The following ABCB10 variants were observed in gnomAD, a reference collection of about 807,000 sequenced individuals.
ABCB10 encodes ATP-binding cassette sub-family B member 10, mitochondrial.
Under a neutral mutation model 65.4 loss-of-function variants are expected in ABCB10, and 54 were observed. The ratio of observed to expected loss-of-function variants is 0.83; its 90% CI spans 0.66 to 1.04. The LOEUF (loss-of-function observed/expected upper bound fraction) is 1.04. ABCB10 is among the 50% of genes least tolerant of loss of function. The pLI is 0.00. For synonymous variants in ABCB10, 418 were observed against 406.5 expected (o/e 1.03, Z -0.34); for missense variants, 846 against 976.6 (o/e 0.87, Z 1.78).
intron 1 of ABCB10, 152 bp downstream of exon 1, chr1:229,557,984 G>A: frequency 1.2e-6 from 1 of 834,322 alleles, no homozygotes; most frequent in Non-Finnish European, 1.6e-6. Context: ...TGAGGTGAGC[G>A]ATCCCCTCCC....
At chr1:229,539,213 G>A (rs932967512) in intron 6 of ABCB10, among the ~76,000 whole-genome samples, 2 of 152,154 alleles carry the variant, frequency 1.3e-5, no homozygotes, top group Non-Finnish European at 2.9e-5. Context: ...ACTCCAGAGC[G>A]ATGCTGAGCT....
chr1:229,549,203 G>A (rs1465554393), intron 2 of ABCB10, 31 bp downstream of exon 2: 2 of 1,610,368 alleles, frequency 1.2e-6, no homozygotes, highest in African/African-American at 1.3e-5. Context: ...TCTTCAGGAT[G>A]ACTCACATCC....
intron 3 of ABCB10, among the ~76,000 whole-genome samples, chr1:229,545,646 A>C (rs934122809): frequency 6.6e-6 from 1 of 152,228 alleles, no homozygotes; most frequent in Non-Finnish European, 1.5e-5. Context: ...TATAAAATCT[A>C]AATATAGATC....
At chr1:229,541,376 ACCAGCACGC>A (rs1342431775) in intron 4 of ABCB10, among the ~76,000 whole-genome samples, 1 of 151,988 alleles carries the variant, frequency 6.6e-6, no homozygotes. Context: ...ACAGGCACAA[ACCAGCACGC>A]CCAGCTAATT....
chr1:229,531,696 G>T lies in ABCB10; in HGVS notation c.1375C>A (p.Leu459Met). The T allele has an allele frequency of 6.2e-7, 1 of 1,613,936 alleles. No individual in the cohort carries two copies. The highest frequency in any genetic ancestry group is 8.5e-7 in the Non-Finnish European group (1 of 1,179,848). ...SSFYSELMKG[L>M]GAGGRLWELL... ...TCCCAGAGGCGCCCCCCTGCACCCA[G>T]TCCTTTCATCAGCTCCGAGTAGAAA... The change falls in exon 7 of 13, where the codon CTG becomes ATG. Residue 459 changes from leucine (L) to methionine (M), a missense_variant. Physicochemically the swap from Leu to Met is conservative, Grantham distance 15 (BLOSUM62 2). This residue lies in a region of ABCB10 where 632 missense variants were observed against 803.2 expected (regional missense o/e 0.79). Coordinates refer to ENST00000344517, the MANE Select transcript of ABCB10 (RefSeq NM_012089.3).
chr1:229,549,000 A>C (rs1663037605), intron 2 of ABCB10, among the ~76,000 whole-genome samples: 1 of 152,128 alleles, frequency 6.6e-6, no homozygotes, highest in Non-Finnish European at 1.5e-5. Context: ...GACCGACATG[A>C]TTGCCCTTAC....
In ABCB10 at chr1:229,558,452, G is replaced by A; in HGVS notation, c.201C>T (p.Arg67=). The change falls in exon 1 of 13, where the codon CGC becomes CGT. Residue 67 remains arginine, a synonymous_variant. Transcript: ENST00000344517. ...ALLWGVGAAR[R]WRSGCRGGGP... is the part of the protein sequence containing the mutation. ...CCCCGCCCCGGCAGCCGCTCCTCCA[G>A]CGGCGCGCGGCTCCAACGCCCCAGA... is the stretch of plus-strand genomic sequence containing the variant. The A allele has an allele frequency of 1.6e-6, 2 of 1,222,672 alleles. No homozygotes were observed. The allele number at this position is 1,222,672 out of a possible 1,614,324, so 75.7% of individuals were successfully genotyped here.
At chr1:229,543,944 C>T (rs1263397756) in intron 3 of ABCB10, among the ~76,000 whole-genome samples, 2 of 152,204 alleles carry the variant, frequency 1.3e-5, no homozygotes, top group African/African-American at 4.8e-5. Context: ...CTGAACACAA[C>T]TGATGTCAAA....
intron 1 of ABCB10, among the ~76,000 whole-genome samples, chr1:229,550,954 A>T (rs1360742210): frequency 2.0e-5 from 3 of 152,042 alleles, no homozygotes; most frequent in Admixed American, 2.0e-4. Context: ...GCATTTTTTT[A>T]AAAGATAGTG....
At chr1:229,549,156 G>C (rs1002121492) in intron 2 of ABCB10, 78 bp downstream of exon 2, 2 of 1,500,982 alleles carry the variant, frequency 1.3e-6, no homozygotes, top group African/African-American at 2.8e-5. Flanking sequence ...GAGCACATGA[G>C]ATTTGAGCCC....
At chr1:229,555,738 C>T (rs1663233493) in intron 1 of ABCB10, among the ~76,000 whole-genome samples, 1 of 152,184 alleles carries the variant, frequency 6.6e-6, no homozygotes, top group Non-Finnish European at 1.5e-5. Context: ...AAAATACACA[C>T]ACGCAATTGC....
chr1:229,518,883 AG>A lies in ABCB10; in HGVS notation c.1951-9del, dbSNP rs1558116751. The stretch of plus-strand genomic sequence containing the variant: ...GAGAAGAATTTTGGGATTCTGAAGA[AG>A]GAAAAAAAAGGAAAAGATAAAATAA... On this transcript the variant is annotated splice_polypyrimidine_tract_variant and intron_variant, in intron 11 of 12. Transcript: ENST00000344517. 2 of 1,577,124 alleles carry A rather than the reference AG, an allele frequency of 1.3e-6. No individual in the cohort carries two copies. Among genetic ancestry groups the A allele is most frequent in the South Asian group, 2.3e-5 (2 of 85,948 alleles).
At chr1:229,542,122 G>T in intron 4 of ABCB10, 115 bp downstream of exon 4, 1 of 1,322,238 alleles carries the variant, frequency 7.6e-7, no homozygotes, top group Non-Finnish European at 1.0e-6. Context: ...TCTAATGAAA[G>T]GAAAGGCAGG....
At chr1:229,538,396 T>C (rs1662769476) in intron 6 of ABCB10, among the ~76,000 whole-genome samples, 1 of 151,420 alleles carries the variant, frequency 6.6e-6, no homozygotes, top group South Asian at 2.1e-4. Flanking sequence ...AGAGGGGAAG[T>C]AGGGTAGGTA....
At chr1:229,531,519 G>C (rs1662583308) in intron 7 of ABCB10, 117 bp downstream of exon 7, 3 of 993,030 alleles carry the variant, frequency 3.0e-6, no homozygotes, top group Non-Finnish European at 4.6e-6. Flanking sequence ...CCATGCAGCA[G>C]GAGCCACATC....
chr1:229,531,178 A>G (rs1236352270), intron 7 of ABCB10, among the ~76,000 whole-genome samples: 4 of 152,328 alleles, frequency 2.6e-5, no homozygotes, highest in Middle Eastern at 3.4e-3. Context: ...GCCAATGAGT[A>G]CCAGCCTCCC....
intron 10 of ABCB10, 125 bp downstream of exon 10, chr1:229,525,811 C>G: frequency 1.7e-6 from 2 of 1,198,750 alleles, no homozygotes; most frequent in Non-Finnish European, 2.3e-6. Context: ...GCACTCCAGC[C>G]TGGGTGACAG....
At chr1:229,535,990 T>C (rs1344164216) in intron 6 of ABCB10, among the ~76,000 whole-genome samples, 1 of 152,016 alleles carries the variant, frequency 6.6e-6, no homozygotes, top group Admixed American at 6.5e-5. Context: ...CCTCGCAAAG[T>C]GCTGGGATTA....
At position 229,525,845 on chromosome 1, in the gene ABCB10, A is replaced by G. The variant is rs1238305754; in HGVS notation, c.1906+91T>C. 4 of 1,478,086 alleles carry G rather than the reference A, an allele frequency of 2.7e-6. No homozygotes were observed. In the African/African-American group the frequency reaches 5.7e-5, roughly 21 times the overall value. The allele number at this position is 1,478,086 out of a possible 1,614,324, so 91.6% of individuals were successfully genotyped here. ...AGAGCAAGACTCAAGACTCCGTCTC[A>G]AAAACAAAACAAACAAACAAAAAAA... is the stretch of plus-strand genomic sequence containing the variant. On this transcript the variant is annotated intron_variant, in intron 10 of 12. Coordinates refer to ENST00000344517, the MANE Select transcript of ABCB10 (RefSeq NM_012089.3).
Sources: allele counts gnomAD v4.1 joint callset (sites outside exome capture counted in the v4.1 genomes callset), GRCh38; gene constraint gnomAD v4.1.1; regional missense constraint gnomAD v4.1.1; transcripts MANE v1.5; gene names NCBI Gene and HGNC (gene_info 2026-07-23, HGNC 2026-07-21).